Variants in CDYL observed in about 807,000 individuals in gnomAD.
CDYL encodes the protein chromodomain Y like.
A neutral mutation model predicts 47.3 loss-of-function variants in CDYL; 8 were observed. The observed-to-expected ratio is 0.17, with a 90% CI of 0.10 to 0.31. The LOEUF (loss-of-function observed/expected upper bound fraction) is 0.31. Ranked by LOEUF, CDYL falls within the 10% of genes least tolerant of loss-of-function variation. The pLI, the probability that CDYL is intolerant of heterozygous loss-of-function variation, is 1.00. For missense variants in CDYL, 471 were observed against 701.4 expected (o/e 0.67, Z 3.71); for synonymous variants, 266 against 265.0 (o/e 1.00, Z -0.04).
chr6:4,941,788 C>T (rs1428096913), intron 4 of CDYL, among the ~76,000 whole-genome samples: 2 of 152,082 alleles, frequency 1.3e-5, no homozygotes, highest in Non-Finnish European at 2.9e-5. Context: ...TTGATCATCG[C>T]TTTTATGTTA....
At chr6:4,782,892 G>A (rs1010762061) in intron 1 of CDYL, among the ~76,000 whole-genome samples, 5 of 152,162 alleles carry the variant, frequency 3.3e-5, no homozygotes, top group African/African-American at 1.2e-4. Context: ...GGGTTTAGAA[G>A]TTGTATGCTA....
At chr6:4,933,010 C>T (rs1758076377) in intron 2 of CDYL, among the ~76,000 whole-genome samples, 2 of 152,198 alleles carry the variant, frequency 1.3e-5, no homozygotes, top group African/African-American at 2.4e-5. Flanking sequence ...GCATTCTCCT[C>T]CACCTCTGTA....
chr6:4,800,883 A>G (rs1581174969), intron 1 of CDYL, among the ~76,000 whole-genome samples: 1 of 152,022 alleles, frequency 6.6e-6, no homozygotes, highest in South Asian at 2.1e-4. Context: ...TTGGCTTTCT[A>G]CCATTTGACT....
At chr6:4,781,984 T>C (rs1758629811) in intron 1 of CDYL, among the ~76,000 whole-genome samples, 1 of 151,946 alleles carries the variant, frequency 6.6e-6, no homozygotes, top group Non-Finnish European at 1.5e-5. Context: ...GAGAAGCTTC[T>C]TTTTGGAATG....
chr6:4,867,556 G>C (rs534004661), intron 1 of CDYL, among the ~76,000 whole-genome samples: 57 of 152,162 alleles, frequency 3.7e-4, no homozygotes, highest in African/African-American at 1.3e-3. Context: ...TAAATGCTTT[G>C]TCAATGACTA....
intron 1 of CDYL, among the ~76,000 whole-genome samples, chr6:4,710,053 T>C (rs1482705678): frequency 6.6e-6 from 1 of 152,076 alleles, no homozygotes. Context: ...AAACCCTGTC[T>C]CTGCTAAAAA....
At chr6:4,771,538 C>A (rs2127425676), upstream of CDYL, among the ~76,000 whole-genome samples, 1 of 152,362 alleles carries the variant, frequency 6.6e-6, no homozygotes, top group African/African-American at 2.4e-5. Context: ...CCACTAAGCG[C>A]CTCCAAGTGC....
chr6:4,793,483 G>A (rs1758985296), intron 1 of CDYL, among the ~76,000 whole-genome samples: 1 of 152,210 alleles, frequency 6.6e-6, no homozygotes, highest in South Asian at 2.1e-4. Context: ...AATGGCGGAT[G>A]AGGTTGGGGG....
intron 3 of CDYL, among the ~76,000 whole-genome samples, chr6:4,740,109 C>A: frequency 6.6e-6 from 1 of 152,144 alleles, no homozygotes. Context: ...AGGAGAGTGT[C>A]TGACTTTTAT....
intron 2 of CDYL, among the ~76,000 whole-genome samples, chr6:4,734,261 C>T (rs957756439): frequency 4.6e-5 from 7 of 152,172 alleles, no homozygotes; most frequent in Admixed American, 1.3e-4. Flanking sequence ...GGGAGGGTCC[C>T]CTTGTGTGGG....
At chr6:4,851,533 C>T (rs1760826621) in intron 1 of CDYL, among the ~76,000 whole-genome samples, 1 of 152,084 alleles carries the variant, frequency 6.6e-6, no homozygotes, top group Non-Finnish European at 1.5e-5. Context: ...AGTCTGGGGG[C>T]TCTCTCTGTT....
chr6:4,795,803 G>T (rs959591185), intron 1 of CDYL, among the ~76,000 whole-genome samples: 1 of 149,878 alleles, frequency 6.7e-6, no homozygotes, highest in African/African-American at 2.5e-5. Context: ...CTGCCTTTAG[G>T]TTATTTGGTT....
At chr6:4,872,283 A>G (rs1170368022) in intron 1 of CDYL, among the ~76,000 whole-genome samples, 1 of 142,434 alleles carries the variant, frequency 7.0e-6, no homozygotes, top group African/African-American at 2.7e-5. Context: ...GGTGAATTCT[A>G]TACCCATTTA....
intron 2 of CDYL, among the ~76,000 whole-genome samples, chr6:4,918,378 C>T (rs538511095): frequency 2.7e-5 from 4 of 149,806 alleles, no homozygotes; most frequent in South Asian, 4.3e-4. Flanking sequence ...TGCCCCCCCC[C>T]CTTTTTTTTG....
At chr6:4,873,714 AAT>A (rs1761536796) in intron 1 of CDYL, among the ~76,000 whole-genome samples, 1 of 152,216 alleles carries the variant, frequency 6.6e-6, no homozygotes, top group Non-Finnish European at 1.5e-5. Context: ...TGGATGTGAT[AAT>A]ATACAATTCT....
intron 3 of CDYL, among the ~76,000 whole-genome samples, chr6:4,760,372 CAAAAAAA>C (rs35627666): frequency 1.9e-5 from 2 of 103,582 alleles, no homozygotes; most frequent in East Asian, 3.4e-4. Flanking sequence ...CACAGCAATA[CAAAAAAA>C]AAAAAAAAAT....
chr6:4,857,013 G>A (rs1427685990), intron 1 of CDYL, among the ~76,000 whole-genome samples: 1 of 152,204 alleles, frequency 6.6e-6, no homozygotes, highest in Non-Finnish European at 1.5e-5. Flanking sequence ...AGAGGTGAGA[G>A]AAGCCAACTT....
rs536795970 is a variant in CDYL, at chr6:4,859,737, G to A, written c.25-31976G>A. ...TAACTTAGATGTTTGGTGAATAAGG[G>A]CATCTGTTTGCCAGCACCAGCTCTC... On this transcript the variant is annotated intron_variant, in intron 1 of 6. Coordinates refer to ENST00000397588, the MANE Select transcript of CDYL (RefSeq NM_004824.4). 3.3e-5 allele frequency among the ~76,000 whole-genome samples: 5 copies of A among 152,170 alleles called. No homozygotes were observed. In the South Asian group the frequency reaches 8.3e-4, roughly 25 times the overall value.
At position 4,819,156 on chromosome 6, in the gene CDYL, CTCTCTCTGTG is replaced by C. The variant is rs1238218064; in HGVS notation, c.24+42351_24+42360del. On this transcript the variant is annotated intron_variant, in intron 1 of 6. Coordinates refer to ENST00000397588, the MANE Select transcript of CDYL (RefSeq NM_004824.4). ...TCTCTCTCTCTCTCTCTCTCTCTCT[CTCTCTCTGTG>C]TGTGTGTGTGTGTGTGTAGCTCTTC... 2.2e-3 allele frequency among the ~76,000 whole-genome samples: 291 copies of C among 131,074 alleles called. 1 individual carries two copies. The highest frequency in any genetic ancestry group is 0.011 in the African/African-American group (272 of 25,086). The allele number at this position is 131,074 out of a possible 152,430, so 86.0% of individuals were successfully genotyped here. A position where few individuals can be genotyped will look rare whatever the true frequency, so the allele number is the denominator to read the frequency against.
Sources: gnomAD v4.1 joint callset for allele counts (sites outside exome capture counted in the v4.1 genomes callset) on GRCh38, gnomAD v4.1.1 for gene constraint, MANE v1.5 for transcripts, NCBI Gene and HGNC (gene_info 2026-07-23, HGNC 2026-07-21) for gene names.